Variants in SPATA13 observed in about 807,000 individuals in gnomAD.
The protein encoded by SPATA13 is spermatogenesis-associated protein 13.
In SPATA13, 50 loss-of-function variants were observed where a neutral mutation model predicts 104.0. The observed-to-expected ratio is 0.48, with a 90% CI of 0.38 to 0.61. The LOEUF (loss-of-function observed/expected upper bound fraction) is 0.61. Among genes scored for constraint, SPATA13 ranks in the 20% least tolerant of loss-of-function variants. The pLI, the probability that SPATA13 is intolerant of heterozygous loss-of-function variation, is 0.00. For synonymous variants in SPATA13, 606 were observed against 667.5 expected (o/e 0.91, Z 1.42); for missense variants, 1,524 against 1,690.6 (o/e 0.90, Z 1.73).
chr13:24,134,921 G>A (rs535147949), intron 3 of SPATA13, among the ~76,000 whole-genome samples: 3 of 152,254 alleles, frequency 2.0e-5, no homozygotes, highest in South Asian at 2.1e-4. Flanking sequence ...TCATTAAGGC[G>A]GGCTCCAATC....
chr13:24,221,806 A>T lies in SPATA13; in HGVS notation c.-111-1013A>T, dbSNP rs549046914. ...GTTTAATTTGAATTCTTACCTCTGA[A>T]TTTTTTTTTTTTTTTTTTTTGAGAC... On this transcript the variant is annotated intron_variant, in intron 1 of 12. Transcript: ENST00000382108. 4.9e-5 allele frequency among the ~76,000 whole-genome samples: 6 copies of T among 122,430 alleles called. No individual in the cohort carries two copies. In the South Asian group the frequency reaches 7.9e-4, roughly 16 times the overall value. 80.3% of individuals were successfully genotyped at this position (122,430 alleles called of 152,430 possible). A position where few individuals can be genotyped will look rare whatever the true frequency, so the allele number is the denominator to read the frequency against.
intron 3 of SPATA13, among the ~76,000 whole-genome samples, chr13:24,026,743 A>T (rs745838606): frequency 4.6e-5 from 7 of 151,824 alleles, no homozygotes; most frequent in Non-Finnish European, 4.4e-5. Context: ...ACGTCCAGCT[A>T]ATTTTTTGTA....
intron 3 of SPATA13, among the ~76,000 whole-genome samples, chr13:24,130,531 C>T (rs1440078732): frequency 6.6e-6 from 1 of 152,196 alleles, no homozygotes; most frequent in Non-Finnish European, 1.5e-5. Flanking sequence ...TTATTGACTA[C>T]CTTTCAACTC....
chr13:24,013,024 G>A (rs1210358025), intron 2 of SPATA13, among the ~76,000 whole-genome samples: 2 of 152,150 alleles, frequency 1.3e-5, no homozygotes, highest in East Asian at 1.9e-4. Flanking sequence ...CACTGTGTGA[G>A]CTTTCCAAGG....
chr13:24,150,604 T>G (rs1882071738), intron 3 of SPATA13, among the ~76,000 whole-genome samples: 1 of 152,132 alleles, frequency 6.6e-6, no homozygotes, highest in Non-Finnish European at 1.5e-5. Flanking sequence ...AGTCCAAAAT[T>G]TGTAAGTAGG....
At chr13:24,015,067 G>A (rs7990496) in intron 2 of SPATA13, among the ~76,000 whole-genome samples, 94,816 of 151,332 alleles carry the variant, frequency 0.63, 29,837 homozygotes, top group East Asian at 0.8. Context: ...ATTTTTTTGT[G>A]TTTTTAGTAG....
chr13:24,221,074 G>A (rs746936868), intron 1 of SPATA13, among the ~76,000 whole-genome samples: 7 of 152,184 alleles, frequency 4.6e-5, no homozygotes, highest in Non-Finnish European at 8.8e-5. Context: ...AGTCAGGGTC[G>A]TGAGGCCCAG....
At chr13:24,104,450 C>T (rs961073307) in intron 3 of SPATA13, among the ~76,000 whole-genome samples, 20 of 152,196 alleles carry the variant, frequency 1.3e-4, no homozygotes, top group African/African-American at 4.8e-4. Flanking sequence ...TTTCCCTTAA[C>T]CATTTATTCA....
intron 1 of SPATA13, among the ~76,000 whole-genome samples, chr13:24,172,014 G>A (rs576846598): frequency 2.5e-4 from 38 of 152,212 alleles, no homozygotes; most frequent in Admixed American, 2.0e-4. Flanking sequence ...GTACTACAAT[G>A]GTGGAACTAA....
At chr13:24,281,310 T>C (rs953222815) in intron 4 of SPATA13, among the ~76,000 whole-genome samples, 1 of 152,108 alleles carries the variant, frequency 6.6e-6, no homozygotes, top group Non-Finnish European at 1.5e-5. Context: ...ACACAGGCCC[T>C]GACCTTTCCT....
At chr13:24,079,726 TTATA>T (rs1431785075) in intron 3 of SPATA13, among the ~76,000 whole-genome samples, 1 of 152,202 alleles carries the variant, frequency 6.6e-6, no homozygotes, top group East Asian at 1.9e-4. Context: ...TAGTGTGCAA[TTATA>T]TATCATTAGT....
chr13:24,180,556 A>G (rs34838879), intron 1 of SPATA13, among the ~76,000 whole-genome samples: 6,605 of 152,304 alleles, frequency 0.043, 180 homozygotes, highest in Non-Finnish European at 0.056. Flanking sequence ...ATAGGATTGT[A>G]CTGAATCTGT....
intron 4 of SPATA13, 103 bp from the exon 5 acceptor site, chr13:24,284,032 A>T (rs749970618): frequency 1.2e-5 from 14 of 1,197,638 alleles, no homozygotes; most frequent in Non-Finnish European, 1.5e-5. Context: ...TAAGATGCAG[A>T]TGATTACCTT....
chr13:24,135,978 C>T (rs1288812867), intron 3 of SPATA13, among the ~76,000 whole-genome samples: 1 of 152,140 alleles, frequency 6.6e-6, no homozygotes, highest in Non-Finnish European at 1.5e-5. Flanking sequence ...CTTTTGATCT[C>T]CTGGAAACAA....
chr13:24,228,182 C>T (rs946692562), intron 2 of SPATA13, among the ~76,000 whole-genome samples: 4 of 142,516 alleles, frequency 2.8e-5, no homozygotes, highest in African/African-American at 5.4e-5. Context: ...GGCGTAATCT[C>T]GGCTCACTGC....
chr13:24,292,297 C>G lies in SPATA13; in HGVS notation c.3080+1413C>G, dbSNP rs76169932. 6.9e-3 allele frequency among the ~76,000 whole-genome samples: 1,044 copies of G among 152,320 alleles called. 12 individuals carry two copies. The highest frequency in any genetic ancestry group is 0.023 in the African/African-American group (936 of 41,554). On this transcript the variant is annotated intron_variant, in intron 9 of 12. Coordinates refer to ENST00000382108, the MANE Select transcript of SPATA13 (RefSeq NM_001166271.3). ...GGGAAAATGTCATCACAGCACAGCC[C>G]AGCTGTTGGGTACCTCAAGGTAGCA...
At chr13:24,256,111 ATGGTATTATC>A (rs1566176010) in intron 4 of SPATA13, among the ~76,000 whole-genome samples, 2 of 152,224 alleles carry the variant, frequency 1.3e-5, no homozygotes, top group African/African-American at 4.8e-5. Flanking sequence ...TCGTGGGTTC[ATGGTATTATC>A]TGCTTTTGTG....
rs561310263 is a variant in SPATA13 at position 23,988,063 on chromosome 13, C to A, written c.-147+4130C>A. On this transcript the variant is annotated intron_variant, in intron 2 of 14. Transcript: ENST00000424834. ...AGTTCAGGCAATTCTCCTGCCTCAG[C>A]CTCCTGAGTAGCTGGGATTACAGGC... Among the ~76,000 whole-genome samples the A allele has an allele frequency of 3.3e-5, 5 of 152,060 alleles. No individual in the cohort carries two copies. In the South Asian group the frequency reaches 1.0e-3, roughly 32 times the overall value.
chr13:24,286,433 G>A lies in SPATA13; in HGVS notation c.2481+40G>A, dbSNP rs1242534092. ...CTTGCAGCTTTTCCAAAGTACCTGG[G>A]GGAGCTGCAGGATCCTTTCAGGTCA... On this transcript the variant is annotated intron_variant, in intron 6 of 12. Coordinates refer to ENST00000382108, the MANE Select transcript of SPATA13 (RefSeq NM_001166271.3). The surrounding 1 kb of genome is among the most constrained non-coding windows in gnomAD (Gnocchi z 4.9). 3 of 1,585,016 alleles carry A rather than the reference G, an allele frequency of 1.9e-6. No individual in the cohort carries two copies. In the African/African-American group the frequency reaches 4.1e-5, roughly 21 times the overall value.
Sources: gnomAD v4.1 joint callset for allele counts (sites outside exome capture counted in the v4.1 genomes callset) on GRCh38, gnomAD v4.1.1 for gene constraint, Gnocchi (gnomAD v3.1) non-coding constraint, MANE v1.5 for transcripts, NCBI Gene and HGNC (gene_info 2026-07-23, HGNC 2026-07-21) for gene names.